DPYSL2: variants seen among roughly 807,000 people sequenced by gnomAD.
DPYSL2 encodes dihydropyrimidinase-related protein 2.
A neutral mutation model predicts 69.9 loss-of-function variants in DPYSL2; 13 were observed. That is an observed-to-expected ratio of 0.19 (90% confidence interval 0.12 to 0.30). The LOEUF (loss-of-function observed/expected upper bound fraction) is 0.30, where lower values mean the gene tolerates loss of function less well. Among genes scored for constraint, DPYSL2 ranks in the 10% least tolerant of loss-of-function variants. The probability of loss-of-function intolerance (pLI) is 1.00; values close to 1 mark genes in which losing one functional copy is unlikely to be tolerated. For missense variants in DPYSL2, 587 were observed against 918.9 expected, an observed-to-expected ratio of 0.64 and a Z score of 4.67; for synonymous variants, 326 against 359.1, an observed-to-expected ratio of 0.91 and a Z score of 1.04.
rs145229338 is a variant in DPYSL2, at chr8:26,538,234, A to T, written c.354+23555A>T. Among the ~76,000 whole-genome samples, 560 of 152,326 alleles carry T rather than the reference A, an allele frequency of 3.7e-3. 4 individuals are homozygous for T. The highest frequency in any genetic ancestry group is 0.013 in the African/African-American group (526 of 41,576). ...AGTGATGTCAGCAAGATGGTGGACTAGGAGGCACCAGTGCTTATCTCCCCA... is the reference window on the plus strand; with the variant it reads ...AGTGATGTCAGCAAGATGGTGGACTTGGAGGCACCAGTGCTTATCTCCCCA... On this transcript the variant is annotated intron_variant, in intron 1 of 13. Transcript: ENST00000521913.
At chr8:26,553,180 C>A (rs1434470184) in intron 1 of DPYSL2, among the ~76,000 whole-genome samples, 1 of 152,132 alleles carries the variant, frequency 6.6e-6, no homozygotes, top group African/African-American at 2.4e-5. Context: ...AAACCGAAAG[C>A]ACCAGGCCCA....
At chr8:26,548,123 G>C (rs12543392) in intron 1 of DPYSL2, 152 of 214,594 alleles carry the variant, frequency 7.1e-4, no homozygotes, top group African/African-American at 3.3e-3. Flanking sequence ...TCCGGGAGAA[G>C]GTGCTGGAGA....
intron 1 of DPYSL2, chr8:26,577,694 C>T (rs1455206687): frequency 1.6e-6 from 1 of 608,720 alleles, no homozygotes; most frequent in African/African-American, 2.0e-5. Flanking sequence ...GTCCCCACCG[C>T]CCCGGCCCGA....
Position 26,621,319 on chromosome 8 carries a change from A to G in DPYSL2, c.629-2824A>G, listed in dbSNP as rs1439789889. ...ATCATATCATCAGAAAAAAATTATT[A>G]TTTCTGCTCATTCCCTTTGCTGGCC... On this transcript the variant is annotated intron_variant, in intron 3 of 13. Transcript: ENST00000521913. This position sits in a 1 kb window ranked among gnomAD's most constrained non-coding sequence, Gnocchi z 4.9. Among the ~76,000 whole-genome samples, 1 of 152,134 alleles carries G rather than the reference A, an allele frequency of 6.6e-6. No individual in the cohort carries two copies. The highest frequency in any genetic ancestry group is 1.5e-5 in the Non-Finnish European group (1 of 68,032).
At chr8:26,566,393 C>T (rs574689505) in intron 1 of DPYSL2, among the ~76,000 whole-genome samples, 3 of 152,306 alleles carry the variant, frequency 2.0e-5, no homozygotes, top group South Asian at 4.1e-4. Context: ...GGAATTATCC[C>T]GTTGCTTACT....
chr8:26,627,404 G>T lies in DPYSL2; in HGVS notation c.936+109G>T. ...TAACACCAAGGTGGAAAAGCAGAGG[G>T]ACCTGGTGTTCCCTTGCTGGAGCTC... On this transcript the variant is annotated intron_variant, in intron 6 of 13. Transcript: ENST00000521913. The surrounding 1 kb of genome is among the most constrained non-coding windows in gnomAD (Gnocchi z 6.9). The T allele has an allele frequency of 8.6e-7, 1 of 1,162,968 alleles. No individual in the cohort carries two copies. Among genetic ancestry groups the T allele is most frequent in the South Asian group, 1.3e-5 (1 of 76,118 alleles). The allele number at this position is 1,162,968 out of a possible 1,614,324, so 72.0% of individuals were successfully genotyped here.
At chr8:26,579,817 G>C (rs1296982788) in intron 1 of DPYSL2, among the ~76,000 whole-genome samples, 5 of 151,708 alleles carry the variant, frequency 3.3e-5, no homozygotes, top group African/African-American at 1.2e-4. Flanking sequence ...ATGGAAAGCA[G>C]ATTTGCAGCA....
At chr8:26,570,347 G>A (rs1028182419) in intron 1 of DPYSL2, among the ~76,000 whole-genome samples, 1 of 152,156 alleles carries the variant, frequency 6.6e-6, no homozygotes, top group Non-Finnish European at 1.5e-5. Context: ...ATGTGGACTG[G>A]GGACAGTGGA....
chr8:26,655,788 T>G lies in DPYSL2; in HGVS notation c.*82T>G. On this transcript the variant is annotated 3_prime_UTR_variant, in exon 14 of 14. Transcript: ENST00000521913. ...TGAGACTTCTTTCTTCCTTCCTTTT[T>G]TTTTTTTTGTTTTTTTTTTTAAGAG... 8.2e-7 allele frequency: 1 copy of G among 1,219,426 alleles called. No homozygotes were observed. 75.5% of individuals were successfully genotyped at this position (1,219,426 alleles called of 1,614,324 possible).
chr8:26,575,100 A>C (rs544012388), intron 1 of DPYSL2, among the ~76,000 whole-genome samples: 1 of 152,150 alleles, frequency 6.6e-6, no homozygotes, highest in African/African-American at 2.4e-5. Context: ...TGCCCGTCTG[A>C]TTTTTGCATT....
chr8:26,575,345 G>A (rs775154620), intron 1 of DPYSL2, among the ~76,000 whole-genome samples: 4 of 151,830 alleles, frequency 2.6e-5, no homozygotes, highest in Non-Finnish European at 5.9e-5. Flanking sequence ...GTTTACCTGT[G>A]GTTTTTTGTT....
At chr8:26,577,453 G>T (rs1160198986) in intron 1 of DPYSL2, 1 of 149,274 alleles carries the variant, frequency 6.7e-6, no homozygotes, top group East Asian at 2.0e-4. Context: ...GCAGTCGCGC[G>T]CTCGCCGCCA....
chr8:26,535,637 T>TATATATATATATA (rs199796205), intron 1 of DPYSL2, among the ~76,000 whole-genome samples: 3 of 144,126 alleles, frequency 2.1e-5, no homozygotes, highest in Admixed American at 6.9e-5. Flanking sequence ...ATATATATAT[T>TATATATATATATA]TTTTTTTTCA....
rs1801513733 is a variant in DPYSL2, at chr8:26,582,565, T to C, written c.443+508T>C. On this transcript the variant is annotated intron_variant, in intron 2 of 13. Transcript: ENST00000521913. This position sits in a 1 kb window ranked among gnomAD's most constrained non-coding sequence, Gnocchi z 4.1. ...TAAATCCTGAGGGAATTTTAGGTTTTATTCTAAGTGGCAACTAGTGCAAAT... is the reference window on the plus strand; with the variant it reads ...TAAATCCTGAGGGAATTTTAGGTTTCATTCTAAGTGGCAACTAGTGCAAAT... Among the ~76,000 whole-genome samples the C allele has an allele frequency of 6.6e-6, 1 of 152,242 alleles. No individual in the cohort carries two copies. Among genetic ancestry groups the C allele is most frequent in the Middle Eastern group, 3.2e-3 (1 of 316 alleles).
intron 1 of DPYSL2, chr8:26,577,067 AG>A (rs751515183): frequency 1.9e-5 from 8 of 426,502 alleles, no homozygotes; most frequent in South Asian, 1.3e-4. Context: ...AAGGCACAAA[AG>A]GATGTTTCAG....
At chr8:26,546,536 A>G (rs1800770915) in intron 1 of DPYSL2, among the ~76,000 whole-genome samples, 1 of 152,188 alleles carries the variant, frequency 6.6e-6, no homozygotes, top group South Asian at 2.1e-4. Context: ...ACATAATTGT[A>G]TGTAACATAA....
At position 26,582,842 on chromosome 8, in the gene DPYSL2, G is replaced by A. The variant is rs542870115; in HGVS notation, c.443+785G>A. Among the ~76,000 whole-genome samples the A allele has an allele frequency of 2.6e-5, 4 of 152,312 alleles. No homozygotes were observed. In the East Asian group the frequency reaches 5.8e-4, roughly 22 times the overall value. On this transcript the variant is annotated intron_variant, in intron 2 of 13. Coordinates refer to ENST00000521913, the MANE Select transcript of DPYSL2 (RefSeq NM_001197293.3). The surrounding 1 kb of genome is among the most constrained non-coding windows in gnomAD (Gnocchi z 4.1). ...AGGGATAGCTGTAAACCGGTCCAGA[G>A]GAGTGGAAAACTGGAGTGGCTGTGA...
chr8:26,549,751 A>G (rs1356943149), intron 1 of DPYSL2, among the ~76,000 whole-genome samples: 2 of 152,232 alleles, frequency 1.3e-5, no homozygotes, highest in African/African-American at 2.4e-5. Flanking sequence ...AAGCAAGAAG[A>G]GAGTGAAGTG....
At chr8:26,518,148 C>T (rs777671051) in intron 1 of DPYSL2, among the ~76,000 whole-genome samples, 2 of 152,192 alleles carry the variant, frequency 1.3e-5, no homozygotes, top group African/African-American at 4.8e-5. Flanking sequence ...CCCAGAGATC[C>T]GTGTCTGATA....
Sources: allele counts gnomAD v4.1 joint callset (sites outside exome capture counted in the v4.1 genomes callset), GRCh38; gene constraint gnomAD v4.1.1; non-coding constraint Gnocchi (gnomAD v3.1); transcripts MANE v1.5; gene names NCBI Gene and HGNC (gene_info 2026-07-23, HGNC 2026-07-21).